TMED3: variants seen among roughly 807,000 people sequenced by gnomAD.
TMED3 encodes the protein transmembrane emp24 domain-containing protein 3.
TMED3 carries 9 observed loss-of-function variants against 15.0 expected under a neutral mutation model. That is an observed-to-expected ratio of 0.60 (90% CI 0.36 to 1.04). The LOEUF is 1.04. Among genes scored for constraint, TMED3 ranks in the 50% least tolerant of loss-of-function variants. The pLI, the probability that TMED3 is intolerant of heterozygous loss-of-function variation, is 0.01. For synonymous variants in TMED3, 117 were observed against 121.4 expected (o/e 0.96, Z 0.24); for missense variants, 267 against 278.9 (o/e 0.96, Z 0.30).
intron 2 of TMED3, chr15:79,314,692 G>A: frequency 5.3e-6 from 2 of 380,092 alleles, no homozygotes; most frequent in South Asian, 1.9e-5. Flanking sequence ...TGGATGAAAG[G>A]AAGGCTGGCA....
intron 2 of TMED3, among the ~76,000 whole-genome samples, chr15:79,373,800 G>T (rs1893382730): frequency 6.6e-6 from 1 of 152,148 alleles, no homozygotes; most frequent in African/African-American, 2.4e-5. Context: ...ACATTGGTTT[G>T]GTCTGGAAAG....
intron 2 of TMED3, among the ~76,000 whole-genome samples, chr15:79,331,374 G>GA (rs1286352698): frequency 6.7e-6 from 1 of 150,190 alleles, no homozygotes; most frequent in Non-Finnish European, 1.5e-5. Context: ...AATGAAAGTA[G>GA]ACCCTTATCT....
At chr15:79,346,486 A>G (rs2058871950) in intron 2 of TMED3, among the ~76,000 whole-genome samples, 1 of 152,156 alleles carries the variant, frequency 6.6e-6, no homozygotes, top group African/African-American at 2.4e-5. Context: ...GCCACCATAT[A>G]TATGTGCCTT....
chr15:79,364,147 G>T (rs1451865864), intron 2 of TMED3, among the ~76,000 whole-genome samples: 4 of 152,158 alleles, frequency 2.6e-5, no homozygotes, highest in African/African-American at 9.7e-5. Context: ...GTTGCCGGTT[G>T]GCCCTTCACA....
intron 2 of TMED3, among the ~76,000 whole-genome samples, chr15:79,393,612 G>A (rs1245299653): frequency 1.3e-5 from 2 of 152,180 alleles, no homozygotes; most frequent in East Asian, 1.9e-4. Context: ...ATTATAGATT[G>A]GAGAAACAGA....
chr15:79,358,963 C>T (rs762549487), intron 2 of TMED3, among the ~76,000 whole-genome samples: 1 of 152,096 alleles, frequency 6.6e-6, no homozygotes, highest in Non-Finnish European at 1.5e-5. Context: ...TGGGAAGGGG[C>T]TTTTTGCATG....
chr15:79,394,223 A>C (rs146388873), intron 2 of TMED3, among the ~76,000 whole-genome samples: 31 of 152,336 alleles, frequency 2.0e-4, no homozygotes, highest in African/African-American at 6.0e-4. Flanking sequence ...CCAAGTCTCT[A>C]AAAAGCTCAT....
chr15:79,311,452 C>T (rs1261786227), intron 1 of TMED3, 35 bp downstream of exon 1: 1 of 1,583,438 alleles, frequency 6.3e-7, no homozygotes, highest in Non-Finnish European at 8.6e-7. Flanking sequence ...TCCCTTCTCC[C>T]TCCACTCCCA....
At chr15:79,317,025 G>A (rs1190667936) in intron 2 of TMED3, among the ~76,000 whole-genome samples, 4 of 152,134 alleles carry the variant, frequency 2.6e-5, no homozygotes, top group Non-Finnish European at 4.4e-5. Flanking sequence ...GATGATTCTC[G>A]GGGATGTATT....
intron 2 of TMED3, among the ~76,000 whole-genome samples, chr15:79,366,407 C>A (rs76134246): frequency 0.024 from 3,629 of 152,324 alleles, 151 homozygotes; most frequent in African/African-American, 0.083. Flanking sequence ...TCTTATACCC[C>A]TCAGCCACTG....
chr15:79,353,227 A>G (rs1182574547), intron 2 of TMED3, among the ~76,000 whole-genome samples: 1 of 76,276 alleles, frequency 1.3e-5, no homozygotes, highest in Non-Finnish European at 2.3e-5. Flanking sequence ...TATTATACAT[A>G]ATATATAAAA....
intron 2 of TMED3, among the ~76,000 whole-genome samples, chr15:79,330,010 G>A (rs896364288): frequency 1.8e-4 from 28 of 152,124 alleles, no homozygotes; most frequent in African/African-American, 6.3e-4. Context: ...AGAGATGCCC[G>A]GTGGTCATTC....
chr15:79,352,063 G>A (rs991340146), intron 2 of TMED3, among the ~76,000 whole-genome samples: 3 of 149,266 alleles, frequency 2.0e-5, no homozygotes, highest in Non-Finnish European at 3.0e-5. Flanking sequence ...TTGGGGACTC[G>A]GGGGGAAAGA....
intron 2 of TMED3, among the ~76,000 whole-genome samples, chr15:79,394,214 C>T (rs61082175): frequency 0.033 from 5,064 of 152,164 alleles, 271 homozygotes; most frequent in African/African-American, 0.11. Flanking sequence ...GAAGGTGTCC[C>T]AAGTCTCTAA....
At chr15:79,411,519 G>A (rs1893979324) in exon 3 of TMED3, 2 of 701,806 alleles carry the variant, frequency 2.8e-6, no homozygotes, top group Non-Finnish European at 5.2e-6. Context: ...TTTTCAGCGG[G>A]GAGGCACTGA....
At chr15:79,347,297 G>A (rs767598744) in intron 2 of TMED3, among the ~76,000 whole-genome samples, 1 of 152,120 alleles carries the variant, frequency 6.6e-6, no homozygotes. Context: ...ATTATCTCAA[G>A]AGATGCAGAA....
At chr15:79,365,550 A>G (rs1296623309) in intron 2 of TMED3, among the ~76,000 whole-genome samples, 1 of 152,228 alleles carries the variant, frequency 6.6e-6, no homozygotes, top group African/African-American at 2.4e-5. Flanking sequence ...TGGAGGGGAA[A>G]GAAGGAGGGT....
At chr15:79,371,026 G>A (rs1191501446) in intron 2 of TMED3, among the ~76,000 whole-genome samples, 1 of 152,204 alleles carries the variant, frequency 6.6e-6, no homozygotes, top group Non-Finnish European at 1.5e-5. Context: ...TAATCTGACA[G>A]TGATCAAACT....
intron 2 of TMED3, among the ~76,000 whole-genome samples, chr15:79,335,218 AC>A (rs1445681064): frequency 6.6e-6 from 1 of 152,210 alleles, no homozygotes; most frequent in African/African-American, 2.4e-5. Flanking sequence ...TTAAAAAGGT[AC>A]CTTGCGTTTC....
Sources: gnomAD v4.1 joint callset for allele counts (sites outside exome capture counted in the v4.1 genomes callset) on GRCh38, gnomAD v4.1.1 for gene constraint, MANE v1.5 for transcripts, NCBI Gene and HGNC (gene_info 2026-07-23, HGNC 2026-07-21) for gene names.